The following TAB2 variants were observed in gnomAD, a reference collection of about 807,000 sequenced individuals.
TAB2 encodes the protein TGF-beta activated kinase 1 (MAP3K7) binding protein 2, also known as TGF-beta-activated kinase 1 and MAP3K7-binding protein 2.
A neutral mutation model predicts 65.0 loss-of-function variants in TAB2; 3 were observed. The observed-to-expected ratio is 0.05, with a 90% CI of 0.02 to 0.12. The LOEUF is 0.12. TAB2 is among the 10% of genes least tolerant of loss of function. The pLI is 1.00. For synonymous variants in TAB2, 298 were observed against 285.1 expected, an observed-to-expected ratio of 1.05 and a Z score of -0.46; for missense variants, 623 against 840.3, an observed-to-expected ratio of 0.74 and a Z score of 3.20.
At chr6:149,324,888 C>G (rs954375375) in intron 1 of TAB2, among the ~76,000 whole-genome samples, 3 of 150,124 alleles carry the variant, frequency 2.0e-5, no homozygotes, top group Non-Finnish European at 4.4e-5. Context: ...TCTCAAACTC[C>G]TGGGCACAAG....
intron 1 of TAB2, chr6:149,253,268 A>G (rs1777897080): frequency 6.6e-6 from 1 of 152,216 alleles, no homozygotes; most frequent in Non-Finnish European, 1.5e-5. Context: ...TCTTTCTTTT[A>G]TGTGATATGC....
intron 1 of TAB2, among the ~76,000 whole-genome samples, chr6:149,260,844 T>C (rs1297208540): frequency 2.0e-5 from 3 of 152,232 alleles, no homozygotes; most frequent in African/African-American, 7.2e-5. Context: ...ATGTATGCTA[T>C]TCGGCCTTTA....
chr6:149,337,258 A>ATTTTG (rs1160062088), intron 1 of TAB2, among the ~76,000 whole-genome samples: 1 of 146,340 alleles, frequency 6.8e-6, no homozygotes, highest in Non-Finnish European at 1.5e-5. Context: ...AGTAATGTAT[A>ATTTTG]TTTTATGCAT....
chr6:149,259,847 C>A (rs11968300), intron 1 of TAB2, among the ~76,000 whole-genome samples: 3 of 152,098 alleles, frequency 2.0e-5, no homozygotes, highest in Non-Finnish European at 4.4e-5. Flanking sequence ...CGGGACATAG[C>A]CTGGCCCCTC....
intron 6 of TAB2, chr6:149,400,212 C>A: frequency 1.6e-6 from 1 of 636,444 alleles, no homozygotes; most frequent in Non-Finnish European, 2.7e-6. Flanking sequence ...CAATGGGAGG[C>A]CCCAACAGCT....
intron 3 of TAB2, among the ~76,000 whole-genome samples, chr6:149,383,674 C>T (rs976553356): frequency 6.6e-6 from 1 of 152,204 alleles, no homozygotes; most frequent in African/African-American, 2.4e-5. Flanking sequence ...CCTTCACCTC[C>T]CGGATTCAAG....
chr6:149,380,056 A>T, intron 3 of TAB2: 1 of 412,474 alleles, frequency 2.4e-6, no homozygotes, highest in Non-Finnish European at 4.8e-6. Context: ...CTGGGGCAAC[A>T]TATGGAGACT....
At chr6:149,259,124 T>C (rs1255971606) in intron 1 of TAB2, among the ~76,000 whole-genome samples, 3 of 152,170 alleles carry the variant, frequency 2.0e-5, no homozygotes, top group Non-Finnish European at 2.9e-5. Context: ...TCCAGAACTG[T>C]GGGATAATAA....
chr6:149,228,556 A>C (rs541756190), intron 1 of TAB2, among the ~76,000 whole-genome samples: 188 of 152,298 alleles, frequency 1.2e-3, no homozygotes, highest in African/African-American at 4.5e-3. Context: ...CCTACATTTT[A>C]AACCAGCTGG....
At chr6:149,336,263 C>T (rs1779932270) in intron 1 of TAB2, among the ~76,000 whole-genome samples, 1 of 152,286 alleles carries the variant, frequency 6.6e-6, no homozygotes, top group East Asian at 1.9e-4. Context: ...AAATAAGCTT[C>T]TGGGTTCTTA....
intron 1 of TAB2, among the ~76,000 whole-genome samples, chr6:149,287,446 G>A (rs1273380434): frequency 1.3e-5 from 2 of 149,608 alleles, no homozygotes; most frequent in African/African-American, 4.9e-5. Flanking sequence ...TACACATAAA[G>A]TTACAAGGGA....
At chr6:149,375,139 T>C (rs113934482) in intron 2 of TAB2, among the ~76,000 whole-genome samples, 1,792 of 152,268 alleles carry the variant, frequency 0.012, 31 homozygotes, top group African/African-American at 0.041. Context: ...TATTTACAAA[T>C]CAAAACGAGA....
chr6:149,248,409 G>C (rs1264823553), intron 1 of TAB2, among the ~76,000 whole-genome samples: 1 of 90,882 alleles, frequency 1.1e-5, no homozygotes, highest in Non-Finnish European at 2.1e-5. Flanking sequence ...GAGAGACAGA[G>C]AGGGAAAGAA....
intron 1 of TAB2, among the ~76,000 whole-genome samples, chr6:149,328,676 G>T (rs1779689439): frequency 6.6e-6 from 1 of 152,160 alleles, no homozygotes; most frequent in South Asian, 2.1e-4. Flanking sequence ...TAGGTCAAAG[G>T]GGTGGACAGA....
chr6:149,400,437 A>G (rs1481896172), intron 6 of TAB2: 6 of 1,614,122 alleles, frequency 3.7e-6, no homozygotes, highest in Non-Finnish European at 5.1e-6. Context: ...TGAGAACAAC[A>G]ATCATATTAA....
At chr6:149,374,391 A>G (rs1278187910) in intron 2 of TAB2, among the ~76,000 whole-genome samples, 1 of 152,000 alleles carries the variant, frequency 6.6e-6, no homozygotes, top group Non-Finnish European at 1.5e-5. Flanking sequence ...CTAATTAAAA[A>G]CAAGATTTTT....
intron 1 of TAB2, among the ~76,000 whole-genome samples, chr6:149,287,488 T>G (rs1778697532): frequency 8.3e-6 from 1 of 120,680 alleles, no homozygotes; most frequent in African/African-American, 3.2e-5. Flanking sequence ...TTCTGTTTTT[T>G]TTTTTAAAAA....
At chr6:149,344,274 T>C (rs911024959) in intron 1 of TAB2, among the ~76,000 whole-genome samples, 19 of 152,340 alleles carry the variant, frequency 1.2e-4, no homozygotes, top group East Asian at 7.7e-4. Context: ...GAAATTTTTC[T>C]CCATTATTCA....
chr6:149,297,393 A>G (rs1388390781), intron 1 of TAB2, among the ~76,000 whole-genome samples: 1 of 152,262 alleles, frequency 6.6e-6, no homozygotes, highest in African/African-American at 2.4e-5. Flanking sequence ...ATTTGACAAG[A>G]TACATACACA....
Sources: allele counts gnomAD v4.1 joint callset (sites outside exome capture counted in the v4.1 genomes callset), GRCh38; gene constraint gnomAD v4.1.1; transcripts MANE v1.5; gene names NCBI Gene and HGNC (gene_info 2026-07-23, HGNC 2026-07-21).